Variants in PPP1R21 observed in about 807,000 individuals in gnomAD.
The protein encoded by PPP1R21 is protein phosphatase 1 regulatory subunit 21.
A neutral mutation model predicts 112.8 loss-of-function variants in PPP1R21; 85 were observed. The ratio of observed to expected loss-of-function variants is 0.75; its 90% confidence interval spans 0.63 to 0.90. PPP1R21 has a LOEUF of 0.90. Among genes scored for constraint, PPP1R21 ranks in the 40% least tolerant of loss-of-function variants. The pLI is 0.00. For missense variants in PPP1R21, 1,199 were observed against 901.5 expected (o/e 1.33, Z -4.23); for synonymous variants, 381 against 322.3 (o/e 1.18, Z -1.95).
rs879657640 is a variant in PPP1R21, at chr2:48,455,421, G to T, written c.273+680G>T. Among the ~76,000 whole-genome samples, 72 of 150,774 alleles carry T rather than the reference G, an allele frequency of 4.8e-4. 1 individual carries two copies. Among genetic ancestry groups the T allele is most frequent in the Non-Finnish European group, 6.2e-4 (42 of 67,678 alleles). On this transcript the variant is annotated intron_variant, in intron 3 of 21. Transcript: ENST00000294952. The stretch of plus-strand genomic sequence containing the variant: ...GCCTCCCAAAGTGCTGGGATTACAG[G>T]CCTGAGCCACCGTGCCTGGCCCCGG...
chr2:48,442,407 A>C (rs1667070503), intron 1 of PPP1R21, among the ~76,000 whole-genome samples: 1 of 152,214 alleles, frequency 6.6e-6, no homozygotes, highest in African/African-American at 2.4e-5. Context: ...GGGGAGTTCC[A>C]AAATGTTTTG....
chr2:48,469,090 CA>C (rs1478978147), intron 9 of PPP1R21, among the ~76,000 whole-genome samples: 2 of 151,420 alleles, frequency 1.3e-5, no homozygotes, highest in Admixed American at 6.6e-5. Context: ...ATAAACCTGT[CA>C]GATCTTGTGA....
At chr2:48,512,960 T>C (rs532354742) in intron 21 of PPP1R21, among the ~76,000 whole-genome samples, 1 of 152,174 alleles carries the variant, frequency 6.6e-6, no homozygotes, top group Non-Finnish European at 1.5e-5. Context: ...ATTGAAGAGG[T>C]CGTGTTTTGG....
intron 14 of PPP1R21, among the ~76,000 whole-genome samples, chr2:48,487,004 G>A (rs1275370800): frequency 6.6e-6 from 1 of 152,168 alleles, no homozygotes; most frequent in African/African-American, 2.4e-5. Context: ...CTCCTGGGTG[G>A]CGGGGACTAT....
chr2:48,461,905 T>G (rs10865229), intron 7 of PPP1R21, among the ~76,000 whole-genome samples: 148,692 of 152,114 alleles, frequency 0.98, 72,782 homozygotes, highest in Middle Eastern at 0.99. Context: ...CCCTAAATTT[T>G]TTTAGGGAAG....
At chr2:48,467,886 A>ATT (rs1558453061) in intron 9 of PPP1R21, among the ~76,000 whole-genome samples, 1 of 152,212 alleles carries the variant, frequency 6.6e-6, no homozygotes, top group Non-Finnish European at 1.5e-5. Context: ...TGTGTGCTGT[A>ATT]AGTGCCTCAT....
At chr2:48,447,966 T>TAAATAATA (rs1172414304) in intron 1 of PPP1R21, among the ~76,000 whole-genome samples, 4 of 150,418 alleles carry the variant, frequency 2.7e-5, no homozygotes, top group Non-Finnish European at 4.4e-5. Flanking sequence ...AATAAATAAA[T>TAAATAATA]AAATAATAAA....
chr2:48,491,163 T>C lies in PPP1R21; in HGVS notation c.1592T>C (p.Leu531Ser). 1 of 1,610,484 alleles carries C rather than the reference T, an allele frequency of 6.2e-7. No homozygotes were observed. Residue 531 changes from leucine to serine, a missense_variant, in exon 15 of 22, where the codon TTG becomes TCG. By Grantham distance (145) the Leu-to-Ser change is moderately radical. Transcript: ENST00000294952. ...AAAGCTGCTGCCTATATGAAGTCTT[T>C]GAGAAAGGTTTGTTAGCTGCTGTTA... ...KKKAAAYMKS[L>S]RKPLLESVPY... is the part of the protein sequence containing the mutation.
chr2:48,453,430 C>T (rs1232692205), intron 2 of PPP1R21, among the ~76,000 whole-genome samples: 1 of 151,860 alleles, frequency 6.6e-6, no homozygotes, highest in Non-Finnish European at 1.5e-5. Context: ...TGGGCTTAAG[C>T]AGTCCTCCTG....
intron 18 of PPP1R21, among the ~76,000 whole-genome samples, chr2:48,505,886 C>G (rs942650145): frequency 1.3e-5 from 2 of 152,092 alleles, no homozygotes; most frequent in African/African-American, 4.8e-5. Flanking sequence ...CCTTCATTTG[C>G]TGGCATACTA....
intron 3 of PPP1R21, among the ~76,000 whole-genome samples, chr2:48,456,744 G>C (rs1667742949): frequency 2.0e-5 from 3 of 152,130 alleles, no homozygotes; most frequent in Admixed American, 2.0e-4. Flanking sequence ...GAATCACTTG[G>C]GAAACTTTTT....
rs1413178486 is a variant in PPP1R21, at chr2:48,474,695, A to G, written c.1101A>G (p.Glu367=). The G allele has an allele frequency of 6.2e-7, 1 of 1,606,802 alleles. No individual in the cohort carries two copies. The highest frequency in any genetic ancestry group is 1.3e-5 in the African/African-American group (1 of 74,714). ...TGCCTATTCCTAGTTTAGAAGAAGA[A>G]TGTGAATCCTCTCTTTGCACATCTG... The part of the protein sequence containing the change: ...LPYQLKSLEE[E]CESSLCTSAL... Residue 367 remains glutamate (E), a synonymous_variant, in exon 12 of 22, where the codon GAA becomes GAG. Coordinates refer to ENST00000294952, the MANE Select transcript of PPP1R21 (RefSeq NM_001135629.3).
intron 14 of PPP1R21, among the ~76,000 whole-genome samples, chr2:48,489,012 A>ACTGAATACT (rs1428836888): frequency 1.3e-5 from 2 of 152,228 alleles, no homozygotes; most frequent in Non-Finnish European, 2.9e-5. Context: ...TCCTTACTTT[A>ACTGAATACT]CTGAATACTA....
In PPP1R21 at chr2:48,510,035, A is replaced by G. The variant is rs1287481448; in HGVS notation, c.2106A>G (p.Arg702=). 5 of 1,613,768 alleles carry G rather than the reference A, an allele frequency of 3.1e-6. No individual in the cohort carries two copies. The African/African-American group carries it at 5.3e-5, about 17-fold the overall frequency. The stretch of plus-strand genomic sequence containing the variant: ...TACAGTGCCGAGCACTGTCTAAAAG[A>G]CTGGCCTTGGCTGAAAAGTCTAAGG... ...FYAECRALSK[R]LALAEKSKEA... Residue 702 remains arginine (R), a synonymous_variant, in exon 20 of 22, where the codon AGA becomes AGG. Coordinates refer to ENST00000294952, the MANE Select transcript of PPP1R21 (RefSeq NM_001135629.3).
intron 9 of PPP1R21, among the ~76,000 whole-genome samples, chr2:48,468,954 G>C (rs181502900): frequency 1.3e-5 from 2 of 152,088 alleles, no homozygotes; most frequent in Admixed American, 1.3e-4. Context: ...AAGAAAAAGA[G>C]ATTTAATTGG....
At chr2:48,463,315 C>T (rs977862800) in intron 7 of PPP1R21, among the ~76,000 whole-genome samples, 1 of 152,120 alleles carries the variant, frequency 6.6e-6, no homozygotes, top group African/African-American at 2.4e-5. Flanking sequence ...GAGTTTCAAC[C>T]TGATGGTGCA....
chr2:48,459,628 G>T (rs1667888500), intron 4 of PPP1R21, 126 bp from the exon 5 acceptor site: 1 of 968,034 alleles, frequency 1.0e-6, no homozygotes, highest in Non-Finnish European at 1.5e-6. Context: ...TAATGCCTGT[G>T]TGGGTTTAAC....
intron 12 of PPP1R21, among the ~76,000 whole-genome samples, chr2:48,476,210 A>G (rs907558528): frequency 2.6e-5 from 4 of 152,246 alleles, no homozygotes; most frequent in Non-Finnish European, 5.9e-5. Flanking sequence ...ATAATATGGT[A>G]TGTGGTCTTT....
chr2:48,471,712 TTTG>T (rs1451399428), intron 11 of PPP1R21, among the ~76,000 whole-genome samples: 1 of 152,236 alleles, frequency 6.6e-6, no homozygotes, highest in Non-Finnish European at 1.5e-5. Flanking sequence ...TTTTCTTATT[TTTG>T]TTATTAGTGA....
Sources: allele counts gnomAD v4.1 joint callset (sites outside exome capture counted in the v4.1 genomes callset), GRCh38; gene constraint gnomAD v4.1.1; transcripts MANE v1.5; gene names NCBI Gene and HGNC (gene_info 2026-07-23, HGNC 2026-07-21).